Variants in RESF1 observed in about 807,000 individuals in gnomAD.
RESF1 encodes the protein retroelement silencing factor 1.
In RESF1, 65 loss-of-function variants were observed where a neutral mutation model predicts 134.7. That is an observed-to-expected ratio of 0.48 (90% CI 0.40 to 0.59). The LOEUF (loss-of-function observed/expected upper bound fraction) is 0.59, where lower values mean the gene tolerates loss of function less well. Ranked by LOEUF, RESF1 falls within the 20% of genes least tolerant of loss-of-function variation. The pLI is 0.00. For missense variants in RESF1, 2,274 were observed against 2,002.7 expected (o/e 1.14, Z -2.59); for synonymous variants, 762 against 702.2 (o/e 1.09, Z -1.35).
chr12:31,985,448 ACAG>A lies in RESF1; in HGVS notation c.4498_4500del (p.Ser1500del), dbSNP rs748193143. 6 of 1,607,420 alleles carry A rather than the reference ACAG, an allele frequency of 3.7e-6. No homozygotes were observed. The highest frequency in any genetic ancestry group is 5.1e-6 in the Non-Finnish European group (6 of 1,178,352). On this transcript the variant is annotated inframe_deletion, in exon 4 of 6. Transcript: ENST00000312561. ...AGTTGTGGGAAATCAAATGAGAAAC[ACAG>A]CAGCGGCGTGCAGACCTCTAAAGAA...
chr12:31,967,176 C>T (rs1445374445), intron 2 of RESF1, among the ~76,000 whole-genome samples: 1 of 152,140 alleles, frequency 6.6e-6, no homozygotes, highest in Non-Finnish European at 1.5e-5. Flanking sequence ...TCCCGTGGGG[C>T]TGGGGATACT....
Position 31,983,933 on chromosome 12 carries a change from T to G in RESF1, c.2978T>G (p.Leu993Arg). 1 of 1,613,780 alleles carries G rather than the reference T, an allele frequency of 6.2e-7. No homozygotes were observed. The highest frequency in any genetic ancestry group is 8.5e-7 in the Non-Finnish European group (1 of 1,179,938). The change falls in exon 4 of 6, where the codon CTA (leucine) becomes CGA (arginine). Residue 993 changes from leucine (L) to arginine (R), a missense_variant. Leu to Arg is a moderately radical substitution (Grantham distance 102). Transcript: ENST00000312561. ...AATCTTGAAACAAACAGAGTTATTC[T>G]AGAGAAAAGTAGTTTGGAGCATGCC... ...FNNLETNRVI[L>R]EKSSLEHATE... is the part of the protein sequence containing the mutation.
intron 5 of RESF1, among the ~76,000 whole-genome samples, chr12:31,987,719 C>CTATTTATTTATT (rs72099377): frequency 1.4e-5 from 2 of 147,748 alleles, no homozygotes; most frequent in Non-Finnish European, 1.5e-5. Flanking sequence ...TTCTGATTAA[C>CTATTTATTTATT]TATTTATTTA....
chr12:31,964,523 G>T (rs377279716), intron 2 of RESF1, among the ~76,000 whole-genome samples: 1 of 152,058 alleles, frequency 6.6e-6, no homozygotes, highest in Non-Finnish European at 1.5e-5. Flanking sequence ...TTCTTTATGC[G>T]GTTTACCGTT....
chr12:31,971,522 A>G (rs1040561514), intron 3 of RESF1, among the ~76,000 whole-genome samples: 1 of 152,196 alleles, frequency 6.6e-6, no homozygotes, highest in Admixed American at 6.5e-5. Flanking sequence ...GATCTAAGGT[A>G]TATCTCTTGG....
At chr12:31,989,952 A>C (rs1362559119) in intron 5 of RESF1, among the ~76,000 whole-genome samples, 3 of 152,190 alleles carry the variant, frequency 2.0e-5, no homozygotes, top group African/African-American at 7.2e-5. Flanking sequence ...CCTAAAGAGG[A>C]GGGAATGAAG....
At position 31,980,890 on chromosome 12, in the gene RESF1, C is replaced by G; in HGVS notation, c.-66C>G. 3.4e-6 allele frequency: 4 copies of G among 1,180,908 alleles called. No homozygotes were observed. The highest frequency in any genetic ancestry group is 3.6e-6 in the Non-Finnish European group (3 of 837,286). The allele number at this position is 1,180,908 out of a possible 1,614,324, so 73.2% of individuals were successfully genotyped here. A position where few individuals can be genotyped will look rare whatever the true frequency, so the allele number is the denominator to read the frequency against. On this transcript the variant is annotated 5_prime_UTR_variant, in exon 4 of 6. Transcript: ENST00000312561. The stretch of plus-strand genomic sequence containing the variant: ...TTATTTCTTACAGATTCCTGACATT[C>G]AGACAACTGACTTGTAACTGACTTA...
At chr12:31,980,783 A>T (rs1342153841) in intron 3 of RESF1, 95 bp from the exon 4 acceptor site, 4 of 545,002 alleles carry the variant, frequency 7.3e-6, no homozygotes, top group African/African-American at 1.9e-5. Flanking sequence ...TGCTCTGAAG[A>T]TTCAGTAATT....
Position 31,984,118 on chromosome 12 carries a change from C to T in RESF1, c.3163C>T (p.Leu1055=), listed in dbSNP as rs374639043. Residue 1055 remains leucine (L), a synonymous_variant, in exon 4 of 6, where the codon CTG becomes TTG. Transcript: ENST00000312561. ...KAPVLYLHDQ[L]SELLKEFPYG... Reference sequence around the variant, plus strand: ...ACCTGTCTTATACCTACATGACCAGCTGTCAGAACTTCTAAAAGAGTTTCC... The same window carrying T: ...ACCTGTCTTATACCTACATGACCAGTTGTCAGAACTTCTAAAAGAGTTTCC... 65 of 1,612,784 alleles carry T rather than the reference C, an allele frequency of 4.0e-5. No homozygotes were observed. Among genetic ancestry groups the T allele is most frequent in the Non-Finnish European group, 5.3e-5 (63 of 1,179,620 alleles).
chr12:31,971,641 C>T (rs1353632684), intron 3 of RESF1, among the ~76,000 whole-genome samples: 1 of 152,156 alleles, frequency 6.6e-6, no homozygotes, highest in African/African-American at 2.4e-5. Flanking sequence ...TGTTTTCAGG[C>T]ATACACTCCT....
At position 31,982,506 on chromosome 12, in the gene RESF1, C is replaced by T. The variant is rs757817036; in HGVS notation, c.1551C>T (p.Asp517=). The T allele has an allele frequency of 2.5e-6, 4 of 1,613,524 alleles. No homozygotes were observed. The highest frequency in any genetic ancestry group is 2.5e-6 in the Non-Finnish European group (3 of 1,179,988). Residue 517 remains aspartate, a synonymous_variant, in exon 4 of 6, where the codon GAC becomes GAT. Transcript: ENST00000312561. ...PVYSEKRPMP[D]SSHDVKVLTS... ...ATTCTGAAAAGCGGCCAATGCCAGA[C>T]TCATCTCATGATGTGAAAGTTCTCA...
intron 3 of RESF1, among the ~76,000 whole-genome samples, chr12:31,978,695 G>T (rs1003551981): frequency 6.8e-6 from 1 of 147,682 alleles, no homozygotes; most frequent in Non-Finnish European, 1.5e-5. Context: ...ACAGGTGCCC[G>T]CCACCACACC....
Position 31,982,621 on chromosome 12 carries a change from C to T in RESF1, c.1666C>T (p.Pro556Ser). 6.2e-7 allele frequency: 1 copy of T among 1,613,982 alleles called. No homozygotes were observed. The highest frequency in any genetic ancestry group is 1.1e-5 in the South Asian group (1 of 91,074). Residue 556 changes from proline to serine, a missense_variant, in exon 4 of 6, where the codon CCA (proline) becomes TCA (serine). Coordinates refer to ENST00000312561, the MANE Select transcript of RESF1 (RefSeq NM_018169.4). ...ENVTKVEQNS[P>S]AVCETISVPK... is the part of the protein sequence containing the mutation. ...TGTTACCAAAGTTGAGCAAAATTCA[C>T]CAGCAGTTTGTGAAACAATTTCTGT...
Position 31,984,967 on chromosome 12 carries a change from A to C in RESF1, c.4012A>C (p.Thr1338Pro), listed in dbSNP as rs3759296. The C allele has an allele frequency of 5.6e-5, 90 of 1,613,228 alleles. No individual in the cohort carries two copies. The highest frequency in any genetic ancestry group is 5.9e-5 in the Non-Finnish European group (70 of 1,179,814). The change falls in exon 4 of 6, where the codon ACA becomes CCA. Residue 1338 changes from threonine to proline, a missense_variant. By Grantham distance (38) the Thr-to-Pro change is conservative. Transcript: ENST00000312561. ...GAACTCACGTCCACTAAAAACAAAA[A>C]CAGCTTTTTTGCCAAATAAAGATGT... is the stretch of plus-strand genomic sequence containing the variant. ...TQNSRPLKTK[T>P]AFLPNKDVYK...
At position 31,980,108 on chromosome 12, in the gene RESF1, CTTTTTTTT is replaced by C. The variant is rs61587386; in HGVS notation, c.-78-757_-78-750del. Among the ~76,000 whole-genome samples, 12 of 114,412 alleles carry C rather than the reference CTTTTTTTT, an allele frequency of 1.0e-4. No individual in the cohort carries two copies. The East Asian group carries it at 1.5e-3, about 14-fold the overall frequency. 75.1% of individuals were successfully genotyped at this position (114,412 alleles called of 152,430 possible). A position where few individuals can be genotyped will look rare whatever the true frequency, so the allele number is the denominator to read the frequency against. ...TGCTTATGCCAGAAATTTTCTTTTCCTTTTTTTTTTTTTTTTTTTTGAAACAGAGTCTT... is the reference window on the plus strand; with the variant it reads ...TGCTTATGCCAGAAATTTTCTTTTCCTTTTTTTTTTTTGAAACAGAGTCTT... On this transcript the variant is annotated intron_variant, in intron 3 of 5. Transcript: ENST00000312561.
chr12:31,974,230 T>C (rs11051714), intron 3 of RESF1, among the ~76,000 whole-genome samples: 1 of 151,586 alleles, frequency 6.6e-6, no homozygotes, highest in East Asian at 1.9e-4. Context: ...ATTACAAAGG[T>C]CTCAGGAGCT....
intron 2 of RESF1, among the ~76,000 whole-genome samples, chr12:31,965,905 A>AAAG (rs1939388732): frequency 6.6e-6 from 1 of 151,818 alleles, no homozygotes; most frequent in Admixed American, 6.6e-5. Context: ...AAAAAAAAAA[A>AAAG]AAGAAGTGAT....
In RESF1 at chr12:31,985,172, A is replaced by G; in HGVS notation, c.4217A>G (p.Lys1406Arg). 6.4e-7 allele frequency: 1 copy of G among 1,561,350 alleles called. No homozygotes were observed. Among genetic ancestry groups the G allele is most frequent in the South Asian group, 1.2e-5 (1 of 81,102 alleles). The change falls in exon 4 of 6, where the codon AAA becomes AGA. Residue 1406 changes from lysine to arginine, a missense_variant. By Grantham distance (26) the Lys-to-Arg change is conservative. Coordinates refer to ENST00000312561, the MANE Select transcript of RESF1 (RefSeq NM_018169.4). ...EQKGSVGATF[K>R]LGDSLSNPNE... ...AAAGGAAGTGTGGGAGCTACATTCA[A>G]ATTAGGTGACTCTTTGTCAAACCCA...
At chr12:31,968,630 A>G (rs1409640676) in intron 2 of RESF1, among the ~76,000 whole-genome samples, 2 of 151,880 alleles carry the variant, frequency 1.3e-5, no homozygotes, top group South Asian at 2.1e-4. Context: ...TTGTATTTTT[A>G]GTAGAGACGG....
Sources: gnomAD v4.1 joint callset for allele counts (sites outside exome capture counted in the v4.1 genomes callset) on GRCh38, gnomAD v4.1.1 for gene constraint, MANE v1.5 for transcripts, NCBI Gene and HGNC (gene_info 2026-07-23, HGNC 2026-07-21) for gene names.